Variants in MRPS5 observed in about 807,000 individuals in gnomAD.
MRPS5 encodes the protein mitochondrial ribosomal protein S5.
In MRPS5, 27 loss-of-function variants were observed where a neutral mutation model predicts 51.9. That is an observed-to-expected ratio of 0.52 (90% CI 0.38 to 0.72). The LOEUF is 0.72. MRPS5 is among the 30% of genes least tolerant of loss of function. MRPS5 has a pLI of 0.00. For synonymous variants in MRPS5, 196 were observed against 193.2 expected (o/e 1.01, Z -0.12); for missense variants, 570 against 545.7 (o/e 1.04, Z -0.44).
In MRPS5 at chr2:95,115,207, T is replaced by C. The variant is rs148482144; in HGVS notation, c.140-4A>G. On this transcript the variant is annotated splice_region_variant and splice_polypyrimidine_tract_variant and intron_variant, in intron 2 of 11. Coordinates refer to ENST00000272418, the MANE Select transcript of MRPS5 (RefSeq NM_031902.5). ...GTTCCCAGTGATGACAAATGGCCTG[T>C]AGGCAGATGGGTTAAACTTTGAGTT... The C allele has an allele frequency of 1.4e-3, 2,196 of 1,585,192 alleles. 7 individuals are homozygous for C. Among genetic ancestry groups the C allele is most frequent in the Middle Eastern group, 7.4e-3 (44 of 5,944 alleles).
At chr2:95,119,791 T>C (rs1310373104) in intron 1 of MRPS5, among the ~76,000 whole-genome samples, 1 of 151,360 alleles carries the variant, frequency 6.6e-6, no homozygotes, top group Non-Finnish European at 1.5e-5. Flanking sequence ...ATGTCACATG[T>C]ATGGCTCACA....
In MRPS5 at chr2:95,086,416, T is replaced by C. The variant is rs1675289622; in HGVS notation, c.*941A>G. Among the ~76,000 whole-genome samples, 1 of 151,886 alleles carries C rather than the reference T, an allele frequency of 6.6e-6. No homozygotes were observed. Among genetic ancestry groups the C allele is most frequent in the African/African-American group, 2.4e-5 (1 of 41,340 alleles). On this transcript the variant is annotated 3_prime_UTR_variant, in exon 12 of 12. Coordinates refer to ENST00000272418, the MANE Select transcript of MRPS5 (RefSeq NM_031902.5). Reference sequence around the variant, plus strand: ...CAAAGTTAAAGTACTGCATGGATGGTTCAAGAGCAGAATGGAAAGGAAAGA... The same window carrying C: ...CAAAGTTAAAGTACTGCATGGATGGCTCAAGAGCAGAATGGAAAGGAAAGA...
At chr2:95,106,364 G>GGC in intron 6 of MRPS5, 59 bp downstream of exon 6, 1 of 741,216 alleles carries the variant, frequency 1.3e-6, no homozygotes, top group Non-Finnish European at 2.4e-6. Flanking sequence ...CCCTGTCCCT[G>GGC]CCCCACCCAC....
chr2:95,112,832 A>G (rs1330340238), intron 3 of MRPS5, among the ~76,000 whole-genome samples: 8 of 151,014 alleles, frequency 5.3e-5, no homozygotes, highest in Admixed American at 3.3e-4. Flanking sequence ...GTGAAACCCC[A>G]TCTCTACTAA....
rs762265036 is a variant in MRPS5 at position 95,087,461 on chromosome 2, G to A, written c.1189C>T (p.Pro397Ser). 5.0e-6 allele frequency: 8 copies of A among 1,614,082 alleles called. No homozygotes were observed. The highest frequency in any genetic ancestry group is 5.9e-6 in the Non-Finnish European group (7 of 1,180,030). Residue 397 changes from proline to serine, a missense_variant, in exon 12 of 12, where the codon CCA becomes TCA. By Grantham distance (74) the Pro-to-Ser change is moderately conservative. Coordinates refer to ENST00000272418, the MANE Select transcript of MRPS5 (RefSeq NM_031902.5). ...PRGPLRKDPE[P>S]EDEVPDVKLD... is the part of the protein sequence containing the mutation. ...TTGACGTCTGGAACCTCATCTTCTGGCTCTGGATCCTTCCTCAAGGGCCCC... is the reference window on the plus strand; with the variant it reads ...TTGACGTCTGGAACCTCATCTTCTGACTCTGGATCCTTCCTCAAGGGCCCC...
chr2:95,105,869 T>TATTTAA (rs369473369), intron 6 of MRPS5, among the ~76,000 whole-genome samples: 1 of 152,312 alleles, frequency 6.6e-6, no homozygotes, highest in African/African-American at 2.4e-5. Context: ...TTCCACATGG[T>TATTTAA]ATTTAACACT....
rs1054141443 is a variant in MRPS5 at position 95,085,920 on chromosome 2, T to C, written c.*1437A>G. ...GATGTTGAAACTTTATGACAATTTT[T>C]TTTTTTTTTTTGGAGACAAGGTCTC... is the stretch of plus-strand genomic sequence containing the variant. On this transcript the variant is annotated 3_prime_UTR_variant, in exon 12 of 12. Transcript: ENST00000272418. 1.3e-5 allele frequency among the ~76,000 whole-genome samples: 2 copies of C among 152,012 alleles called. No homozygotes were observed. The highest frequency in any genetic ancestry group is 4.8e-5 in the African/African-American group (2 of 41,390).
chr2:95,110,194 C>T (rs1676076607), intron 3 of MRPS5, among the ~76,000 whole-genome samples, 153 bp from the exon 4 acceptor site: 1 of 152,328 alleles, frequency 6.6e-6, no homozygotes. Context: ...ATCCTTTGCA[C>T]ACATCAGACG....
At chr2:95,104,263 C>A in intron 7 of MRPS5, 1 of 163,678 alleles carries the variant, frequency 6.1e-6, no homozygotes, top group Non-Finnish European at 1.3e-5. Flanking sequence ...TATTTTAAAA[C>A]TAATTTCCCA....
rs186030997 is a variant in MRPS5 at position 95,115,162 on chromosome 2, C to A, written c.181G>T (p.Ala61Ser). ...GTCTGCAGTGCACGGCTCAAGCTGG[C>A]GTAGGGATGGGTGTCTCTGGTTCCC... is the stretch of plus-strand genomic sequence containing the variant. ...SLGTRDTHPY[A>S]SLSRALQTQC... Residue 61 changes from alanine (A) to serine (S), a missense_variant, in exon 3 of 12, where the codon GCC becomes TCC. Physicochemically the swap from Ala to Ser is moderately conservative, Grantham distance 99 (BLOSUM62 1). Coordinates refer to ENST00000272418, the MANE Select transcript of MRPS5 (RefSeq NM_031902.5). 112 of 1,609,932 alleles carry A rather than the reference C, an allele frequency of 7.0e-5. No individual in the cohort carries two copies. The highest frequency in any genetic ancestry group is 8.5e-5 in the Non-Finnish European group (100 of 1,179,060).
In MRPS5 at chr2:95,109,959, C is replaced by T; in HGVS notation, c.360G>A (p.Lys120=). ...AKKGRGKRTK[K]KKRKDLNRGQ... is the part of the protein sequence containing the mutation. ...CCCTGTTCAGATCCTTTCTTTTCTT[C>T]TTTTTAGTTCTTTTGCCTCTTCCTT... The change falls in exon 4 of 12, where the codon AAG becomes AAA. Residue 120 remains lysine (K), a synonymous_variant. Coordinates refer to ENST00000272418, the MANE Select transcript of MRPS5 (RefSeq NM_031902.5). 6.2e-7 allele frequency: 1 copy of T among 1,613,992 alleles called. No homozygotes were observed. Among genetic ancestry groups the T allele is most frequent in the Non-Finnish European group, 8.5e-7 (1 of 1,179,990 alleles).
At chr2:95,112,371 T>TTATA (rs766944604) in intron 3 of MRPS5, among the ~76,000 whole-genome samples, 1 of 151,852 alleles carries the variant, frequency 6.6e-6, no homozygotes, top group African/African-American at 2.4e-5. Context: ...CGGCCTCATG[T>TTATA]TATATATATA....
chr2:95,103,153 G>A (rs1354278188), intron 7 of MRPS5, among the ~76,000 whole-genome samples: 1 of 152,160 alleles, frequency 6.6e-6, no homozygotes, highest in Non-Finnish European at 1.5e-5. Context: ...TGATAAATTT[G>A]CCACAGAGCT....
At chr2:95,105,902 G>C (rs1483837460) in intron 6 of MRPS5, among the ~76,000 whole-genome samples, 1 of 152,186 alleles carries the variant, frequency 6.6e-6, no homozygotes, top group Non-Finnish European at 1.5e-5. Context: ...CCAGCTCAAA[G>C]GGAAGTTGGC....
At chr2:95,102,806 C>T (rs1372266815) in intron 7 of MRPS5, among the ~76,000 whole-genome samples, 2 of 152,226 alleles carry the variant, frequency 1.3e-5, no homozygotes, top group Non-Finnish European at 2.9e-5. Flanking sequence ...ATGAACACTT[C>T]ACTATGAAAT....
Position 95,100,824 on chromosome 2 carries a change from G to C in MRPS5, c.868+13C>G, listed in dbSNP as rs1675774612. The stretch of plus-strand genomic sequence containing the variant: ...CCTGCAAATTAAAAAAAAAAAAATA[G>C]ATTATCACTCACTTGTATGGTCTTC... On this transcript the variant is annotated intron_variant, in intron 9 of 11. Transcript: ENST00000272418. 4 of 1,552,086 alleles carry C rather than the reference G, an allele frequency of 2.6e-6. No individual in the cohort carries two copies. Among genetic ancestry groups the C allele is most frequent in the African/African-American group, 1.4e-5 (1 of 72,554 alleles).
Position 95,117,875 on chromosome 2 carries a change from A to T in MRPS5, c.129T>A (p.Val43=). ...PAASILAWKS[V]LGNGHLSSLG... ...ATTAATGAATCTCACCATTGCCGAG[A>T]ACACTCTTCCATGCCAAAATGGAAG... is the stretch of plus-strand genomic sequence containing the variant. Residue 43 remains valine (V), a synonymous_variant, in exon 2 of 12, where the codon GTT becomes GTA. Coordinates refer to ENST00000272418, the MANE Select transcript of MRPS5 (RefSeq NM_031902.5). The T allele has an allele frequency of 1.2e-6, 2 of 1,607,818 alleles. No homozygotes were observed. Among genetic ancestry groups the T allele is most frequent in the Non-Finnish European group, 1.7e-6 (2 of 1,178,436 alleles).
intron 6 of MRPS5, 71 bp from the exon 7 acceptor site, chr2:95,104,801 C>T (rs1297124061): frequency 7.0e-7 from 1 of 1,422,166 alleles, no homozygotes. Flanking sequence ...AGGGAGCCGC[C>T]TTCCTTGCAG....
chr2:95,086,698 T>C lies in MRPS5; in HGVS notation c.*659A>G, dbSNP rs753064169. Among the ~76,000 whole-genome samples the C allele has an allele frequency of 2.6e-5, 4 of 152,174 alleles. No homozygotes were observed. Among genetic ancestry groups the C allele is most frequent in the Non-Finnish European group, 5.9e-5 (4 of 68,038 alleles). ...AAAGCATGTATGATAGGGGGGCTTA[T>C]ATCTAGAAACTATAAGGAACTCAAT... On this transcript the variant is annotated 3_prime_UTR_variant, in exon 12 of 12. Transcript: ENST00000272418.
Sources: gnomAD v4.1 joint callset for allele counts (sites outside exome capture counted in the v4.1 genomes callset) on GRCh38, gnomAD v4.1.1 for gene constraint, MANE v1.5 for transcripts, NCBI Gene and HGNC (gene_info 2026-07-23, HGNC 2026-07-21) for gene names.